The following PLXDC2 variants were observed in gnomAD, a reference collection of about 807,000 sequenced individuals.
PLXDC2 encodes plexin domain containing 2.
PLXDC2 carries 40 observed loss-of-function variants against 68.9 expected under a neutral mutation model. That is an observed-to-expected ratio of 0.58 (90% CI 0.45 to 0.76). The LOEUF (loss-of-function observed/expected upper bound fraction) is 0.76. PLXDC2 is among the 30% of genes least tolerant of loss of function. The pLI, the probability that PLXDC2 is intolerant of heterozygous loss-of-function variation, is 0.00. For synonymous variants in PLXDC2, 243 were observed against 234.2 expected (o/e 1.04, Z -0.34); for missense variants, 644 against 661.9 (o/e 0.97, Z 0.30).
rs542995784 is a variant in PLXDC2, at chr10:19,903,023, C to T, written c.112+85832C>T. Among the ~76,000 whole-genome samples the T allele has an allele frequency of 1.1e-4, 17 of 152,262 alleles. No individual in the cohort carries two copies. In the South Asian group the frequency reaches 3.5e-3, roughly 32 times the overall value. ...CCATCCCTGCATCCCTGGTAGGAAA[C>T]CCACTTGATCATGTCAGATTATCTT... On this transcript the variant is annotated intron_variant, in intron 1 of 13. Coordinates refer to ENST00000377252, the MANE Select transcript of PLXDC2 (RefSeq NM_032812.9).
In PLXDC2 at chr10:20,171,012, T is replaced by G. The variant is rs192940871; in HGVS notation, c.884-5987T>G. ...TAAGTGTATTTATTAAATAACAAAT[T>G]TTCAAACATAACCATTATAACTAAT... On this transcript the variant is annotated intron_variant, in intron 7 of 13. Coordinates refer to ENST00000377252, the MANE Select transcript of PLXDC2 (RefSeq NM_032812.9). 1.6e-3 allele frequency among the ~76,000 whole-genome samples: 247 copies of G among 152,240 alleles called. 1 individual carries two copies. The highest frequency in any genetic ancestry group is 5.6e-3 in the African/African-American group (232 of 41,562).
At chr10:19,925,771 C>T (rs568702820) in intron 1 of PLXDC2, among the ~76,000 whole-genome samples, 7 of 152,264 alleles carry the variant, frequency 4.6e-5, no homozygotes, top group South Asian at 2.1e-4. Flanking sequence ...CATGCCAAGG[C>T]GGGCTTTTAT....
intron 1 of PLXDC2, among the ~76,000 whole-genome samples, chr10:19,864,604 A>G (rs1837379853): frequency 6.6e-6 from 1 of 152,152 alleles, no homozygotes; most frequent in African/African-American, 2.4e-5. Context: ...TATTTGGCAA[A>G]ATGGGAGAAG....
intron 4 of PLXDC2, among the ~76,000 whole-genome samples, chr10:20,130,053 A>G (rs1026760275): frequency 6.6e-6 from 1 of 151,646 alleles, no homozygotes; most frequent in Non-Finnish European, 1.5e-5. Context: ...TGAAAATGCC[A>G]TTGGGATTTT....
At chr10:19,844,775 T>A (rs987395390) in intron 1 of PLXDC2, among the ~76,000 whole-genome samples, 1 of 152,054 alleles carries the variant, frequency 6.6e-6, no homozygotes, top group Non-Finnish European at 1.5e-5. Flanking sequence ...TTTTCATTTT[T>A]TTAACTTTTT....
chr10:19,880,910 T>TATCA (rs1249198694), intron 1 of PLXDC2, among the ~76,000 whole-genome samples: 2 of 152,206 alleles, frequency 1.3e-5, no homozygotes, highest in Non-Finnish European at 2.9e-5. Flanking sequence ...AAACCTTTCT[T>TATCA]ATCAATTATC....
chr10:19,872,824 G>A (rs1837564830), intron 1 of PLXDC2, among the ~76,000 whole-genome samples: 1 of 151,934 alleles, frequency 6.6e-6, no homozygotes, highest in African/African-American at 2.4e-5. Flanking sequence ...CAACCCAAAT[G>A]TAAAAAAAAC....
intron 2 of PLXDC2, among the ~76,000 whole-genome samples, chr10:20,003,717 C>T (rs772947578): frequency 6.6e-6 from 1 of 152,160 alleles, no homozygotes; most frequent in Non-Finnish European, 1.5e-5. Context: ...AAGTCATGAG[C>T]CACTGCACCC....
chr10:20,261,121 A>G (rs976716351), intron 13 of PLXDC2, among the ~76,000 whole-genome samples: 2 of 152,172 alleles, frequency 1.3e-5, no homozygotes, highest in Non-Finnish European at 2.9e-5. Flanking sequence ...ATGGTTTGCA[A>G]ATATTTTATC....
chr10:20,169,396 C>T (rs1834416405), intron 7 of PLXDC2, among the ~76,000 whole-genome samples: 1 of 152,186 alleles, frequency 6.6e-6, no homozygotes, highest in South Asian at 2.1e-4. Context: ...AAAGTTTTAA[C>T]ACCGTCATAT....
intron 13 of PLXDC2, among the ~76,000 whole-genome samples, 190 bp downstream of exon 13, chr10:20,245,695 A>G (rs1835585176): frequency 6.6e-6 from 1 of 152,194 alleles, no homozygotes; most frequent in Non-Finnish European, 1.5e-5. Flanking sequence ...CAGATGATGG[A>G]TTCAGTTACC....
chr10:19,934,205 T>G (rs561718219), intron 1 of PLXDC2, among the ~76,000 whole-genome samples: 20 of 152,352 alleles, frequency 1.3e-4, no homozygotes, highest in African/African-American at 4.8e-4. Flanking sequence ...CTAAAGTTAT[T>G]TAGAATCTGT....
chr10:19,869,467 AAG>A (rs1491457243), intron 1 of PLXDC2, among the ~76,000 whole-genome samples: 3 of 26,476 alleles, frequency 1.1e-4, no homozygotes, highest in South Asian at 3.2e-3. Context: ...GAGAGAGAGA[AAG>A]GGGGGGGGGG....
intron 1 of PLXDC2, among the ~76,000 whole-genome samples, chr10:19,843,813 G>T (rs1199385924): frequency 5.9e-5 from 9 of 152,078 alleles, no homozygotes; most frequent in Admixed American, 1.3e-4. Context: ...GTTGGTTAGT[G>T]GGTATAAACA....
chr10:19,880,768 C>G (rs1219785114), intron 1 of PLXDC2, among the ~76,000 whole-genome samples: 1 of 152,154 alleles, frequency 6.6e-6, no homozygotes. Context: ...TACCTTACAT[C>G]ATGCTGTTAT....
intron 2 of PLXDC2, among the ~76,000 whole-genome samples, chr10:20,012,954 A>G (rs1042627624): frequency 6.6e-6 from 1 of 152,204 alleles, no homozygotes; most frequent in Admixed American, 6.5e-5. Flanking sequence ...AGCTTTAGCT[A>G]TTAAATTGAA....
intron 4 of PLXDC2, among the ~76,000 whole-genome samples, chr10:20,070,294 G>A (rs1435552260): frequency 6.6e-6 from 1 of 152,110 alleles, no homozygotes; most frequent in African/African-American, 2.4e-5. Flanking sequence ...ACATTTAACT[G>A]GAAGAATATT....
At chr10:19,937,698 A>G (rs1564633599) in intron 1 of PLXDC2, among the ~76,000 whole-genome samples, 1 of 151,824 alleles carries the variant, frequency 6.6e-6, no homozygotes, top group African/African-American at 2.4e-5. Context: ...AAGGAAACAC[A>G]AGGACAGGGA....
At chr10:20,046,848 C>T in intron 2 of PLXDC2, 21 bp from the exon 3 acceptor site, 1 of 1,577,176 alleles carries the variant, frequency 6.3e-7, no homozygotes, top group Non-Finnish European at 8.6e-7. Context: ...TCTTGATATA[C>T]ATTATTATCT....
Sources: gnomAD v4.1 joint callset for allele counts (sites outside exome capture counted in the v4.1 genomes callset) on GRCh38, gnomAD v4.1.1 for gene constraint, MANE v1.5 for transcripts, NCBI Gene and HGNC (gene_info 2026-07-23, HGNC 2026-07-21) for gene names.